The following DNAH2 variants were observed in gnomAD, a reference collection of about 807,000 sequenced individuals.
DNAH2 encodes the protein dynein axonemal heavy chain 2, also known as axonemal beta dynein heavy chain 2.
A neutral mutation model predicts 523.5 loss-of-function variants in DNAH2; 323 were observed. The observed-to-expected ratio is 0.62, with a 90% CI of 0.56 to 0.68. DNAH2 has a LOEUF of 0.68. DNAH2 is among the 30% of genes least tolerant of loss of function. The pLI, the probability that DNAH2 is intolerant of heterozygous loss-of-function variation, is 0.00. For missense variants in DNAH2, 4,907 were observed against 5,701.5 expected (o/e 0.86, Z 4.49); for synonymous variants, 2,093 against 2,177.4 (o/e 0.96, Z 1.08).
chr17:7,771,566 G>A, intron 28 of DNAH2, 98 bp downstream of exon 28: 1 of 1,348,402 alleles, frequency 7.4e-7, no homozygotes, highest in South Asian at 1.4e-5. Flanking sequence ...GATGCCCCCA[G>A]CTCTCCTAAC....
chr17:7,736,982 A>AAAAT (rs75880616), intron 7 of DNAH2, 85 bp from the exon 8 acceptor site: 117,098 of 1,241,870 alleles, frequency 0.094, 6,396 homozygotes, highest in African/African-American at 0.11. Flanking sequence ...AACTCCATCT[A>AAAAT]AAATAAATAA....
intron 24 of DNAH2, among the ~76,000 whole-genome samples, chr17:7,769,371 A>G (rs1026861295): frequency 6.6e-6 from 1 of 152,192 alleles, no homozygotes. Context: ...CATGTTGCCC[A>G]AGATGGTCTT....
In DNAH2 at chr17:7,801,883, C is replaced by A. The variant is rs369275583; in HGVS notation, c.8838C>A (p.His2946Gln). The A allele has an allele frequency of 1.1e-5, 18 of 1,614,084 alleles. No homozygotes were observed. The highest frequency in any genetic ancestry group is 1.5e-5 in the Non-Finnish European group (18 of 1,180,052). The part of the protein sequence containing the change: ...GVDLGTQENI[H>Q]RKVAQIFVTM... ...TCCTGTGTCACTGGCCTCAGATCCACAGGAAGGTGGCCCAGATCTTTGTCA... is the reference window on the plus strand; with the variant it reads ...TCCTGTGTCACTGGCCTCAGATCCAAAGGAAGGTGGCCCAGATCTTTGTCA... Residue 2946 changes from histidine (H) to glutamine (Q), a missense_variant, in exon 58 of 86, where the codon CAC becomes CAA. His to Gln is a conservative substitution (Grantham distance 24). Around this residue, in one of 3 missense-constraint regions of DNAH2, gnomAD observed 1,851 missense variants for 2,139.4 expected, o/e 0.87. Coordinates refer to ENST00000572933, the MANE Select transcript of DNAH2 (RefSeq NM_020877.5).
In DNAH2 at chr17:7,821,977, A is replaced by C. The variant is rs1302017471; in HGVS notation, c.11142+608A>C. Among the ~76,000 whole-genome samples, 2 of 151,588 alleles carry C rather than the reference A, an allele frequency of 1.3e-5. No individual in the cohort carries two copies. Among genetic ancestry groups the C allele is most frequent in the Non-Finnish European group, 2.9e-5 (2 of 67,894 alleles). On this transcript the variant is annotated intron_variant, in intron 73 of 85. Transcript: ENST00000572933. The surrounding 1 kb of genome is among the most constrained non-coding windows in gnomAD (Gnocchi z 5.0). ...CTGCCTCCCACCCCAAACTCTCAAC[A>C]CAGCAACCAGAGAGGTCCCACTCTG...
chr17:7,818,137 G>A (rs1202779621), intron 68 of DNAH2, 41 bp downstream of exon 68: 1 of 1,607,684 alleles, frequency 6.2e-7, no homozygotes, highest in Non-Finnish European at 8.5e-7. Context: ...GGGATGCTAG[G>A]GAGGGAAGGG....
intron 13 of DNAH2, 30 bp downstream of exon 13, chr17:7,757,267 C>T (rs529618024): frequency 1.2e-6 from 2 of 1,605,324 alleles, no homozygotes; most frequent in Non-Finnish European, 1.7e-6. Context: ...TGCAGCCCTT[C>T]AAGATGCTAT....
At position 7,819,423 on chromosome 17, in the gene DNAH2, C is replaced by T. The variant is rs2077790362; in HGVS notation, c.11015+15C>T. On this transcript the variant is annotated intron_variant, in intron 72 of 85. Transcript: ENST00000572933. ...GCTGTCTACAGGTCTGAGGGTGCCC[C>T]CAACATGCCCCAGCCCGGAGGCCGA... is the stretch of plus-strand genomic sequence containing the variant. The T allele has an allele frequency of 1.2e-6, 2 of 1,613,864 alleles. No individual in the cohort carries two copies. Among genetic ancestry groups the T allele is most frequent in the Non-Finnish European group, 8.5e-7 (1 of 1,179,836 alleles).
chr17:7,794,224 C>A, intron 48 of DNAH2, 30 bp from the exon 49 acceptor site: 1 of 1,556,492 alleles, frequency 6.4e-7, no homozygotes, highest in Non-Finnish European at 8.7e-7. Context: ...CCCCTCCTGC[C>A]TGTCTGCCCT....
At chr17:7,790,823 C>G (rs1029855139) in intron 44 of DNAH2, among the ~76,000 whole-genome samples, 1 of 152,108 alleles carries the variant, frequency 6.6e-6, no homozygotes, top group Non-Finnish European at 1.5e-5. Flanking sequence ...CCTCCCACCT[C>G]AGTCTCCTGA....
intron 49 of DNAH2, 28 bp from the exon 50 acceptor site, chr17:7,796,436 T>G (rs1439526587): frequency 1.9e-6 from 3 of 1,612,156 alleles, no homozygotes; most frequent in Non-Finnish European, 2.5e-6. Context: ...CCAGCAGCCC[T>G]GGAGAGTGAG....
intron 9 of DNAH2, among the ~76,000 whole-genome samples, 158 bp downstream of exon 9, chr17:7,740,096 AG>A (rs1597491328): frequency 2.1e-5 from 1 of 47,516 alleles, no homozygotes; most frequent in African/African-American, 8.9e-5. Context: ...AGTGCAGGGG[AG>A]GGGGGTGGCA....
Position 7,824,105 on chromosome 17 carries a change from C to T in DNAH2, c.11479-16C>T, listed in dbSNP as rs556630671. The stretch of plus-strand genomic sequence containing the variant: ...ATGTGGCCTTCTGCCTGATGCTATA[C>T]CTGTGCTTCTGGCAGGTGCTGGAGG... On this transcript the variant is annotated splice_polypyrimidine_tract_variant and intron_variant, in intron 75 of 85. Coordinates refer to ENST00000572933, the MANE Select transcript of DNAH2 (RefSeq NM_020877.5). The T allele has an allele frequency of 9.0e-6, 14 of 1,562,530 alleles. No homozygotes were observed. Among genetic ancestry groups the T allele is most frequent in the Non-Finnish European group, 1.1e-5 (13 of 1,156,266 alleles).
chr17:7,739,961 C>T, intron 9 of DNAH2, 23 bp downstream of exon 9: 1 of 1,611,340 alleles, frequency 6.2e-7, no homozygotes, highest in Non-Finnish European at 8.5e-7. Flanking sequence ...CAGGCTGATG[C>T]CAGGCGTGGG....
At chr17:7,763,577 C>CCAGGGTTTCTTTTAGGCCTGGCAAA (rs2076068318) in intron 18 of DNAH2, among the ~76,000 whole-genome samples, 1 of 152,244 alleles carries the variant, frequency 6.6e-6, no homozygotes, top group Non-Finnish European at 1.5e-5. Flanking sequence ...TCGCACCCTG[C>CCAGGGTTTCTTTTAGGCCTGGCAAA]CTCACTCTAG....
At chr17:7,816,530 C>T (rs752740984) in intron 63 of DNAH2, 41 bp from the exon 64 acceptor site, 20 of 1,607,900 alleles carry the variant, frequency 1.2e-5, no homozygotes, top group Middle Eastern at 1.7e-4. Flanking sequence ...AATCTGGCTG[C>T]GAGCCCTGTG....
At chr17:7,726,900 A>G (rs1180541617) in intron 3 of DNAH2, among the ~76,000 whole-genome samples, 1 of 151,962 alleles carries the variant, frequency 6.6e-6, no homozygotes, top group African/African-American at 2.4e-5. Context: ...TTCCTCTGTG[A>G]TCTGTTTGTT....
intron 4 of DNAH2, among the ~76,000 whole-genome samples, chr17:7,731,138 TAAA>T (rs2074974838): frequency 8.3e-6 from 1 of 119,820 alleles, no homozygotes; most frequent in Non-Finnish European, 1.9e-5. Flanking sequence ...ATAAATTAAT[TAAA>T]TTAAATTAAA....
intron 4 of DNAH2, among the ~76,000 whole-genome samples, chr17:7,732,424 G>A (rs1233789624): frequency 1.9e-5 from 2 of 102,566 alleles, no homozygotes; most frequent in Non-Finnish European, 3.5e-5. Flanking sequence ...GACAAAGCAA[G>A]ACTCCATCTC....
At chr17:7,729,121 A>C (rs1357661528) in intron 4 of DNAH2, among the ~76,000 whole-genome samples, 1 of 152,138 alleles carries the variant, frequency 6.6e-6, no homozygotes, top group Admixed American at 6.6e-5. Flanking sequence ...CCAAAAAAAC[A>C]CAAAAAAACC....
Sources: allele counts gnomAD v4.1 joint callset (sites outside exome capture counted in the v4.1 genomes callset), GRCh38; gene constraint gnomAD v4.1.1; regional missense constraint gnomAD v4.1.1; non-coding constraint Gnocchi (gnomAD v3.1); transcripts MANE v1.5; gene names NCBI Gene and HGNC (gene_info 2026-07-23, HGNC 2026-07-21).